ERC1: variants seen among roughly 807,000 people sequenced by gnomAD.
ERC1 encodes ELKS/RAB6-interacting/CAST family member 1, also known as RAB6 interacting protein 2.
In ERC1, 56 loss-of-function variants were observed where a neutral mutation model predicts 132.0. The observed-to-expected ratio is 0.42, with a 90% confidence interval of 0.34 to 0.53. The LOEUF (loss-of-function observed/expected upper bound fraction) is 0.53. Among genes scored for constraint, ERC1 ranks in the 20% least tolerant of loss-of-function variants. ERC1 has a pLI of 0.03. For synonymous variants in ERC1, 478 were observed against 476.1 expected (o/e 1.00, Z -0.05); for missense variants, 1,202 against 1,349.9 (o/e 0.89, Z 1.72).
intron 16 of ERC1, among the ~76,000 whole-genome samples, chr12:1,383,531 G>A (rs139607318): frequency 1.8e-4 from 28 of 152,290 alleles, no homozygotes; most frequent in Non-Finnish European, 2.6e-4. Context: ...CTACTCAGGA[G>A]GCTGAGGCAG....
Position 1,493,542 on chromosome 12 carries a change from AAAAAAAATATATATATATATATAT to A in ERC1, c.*3314_*3337del, listed in dbSNP as rs1385792871. On this transcript the variant is annotated 3_prime_UTR_variant, in exon 19 of 19. Coordinates refer to ENST00000360905, the MANE Select transcript of ERC1 (RefSeq NM_178040.4). ...ACAGAGACTCCATTTAAAAAAAAAA[AAAAAAAATATATATATATATATAT>A]ATATATATATATGGATGGGAATCAC... 11 of 23,480 alleles carry A rather than the reference AAAAAAAATATATATATATATATAT, an allele frequency of 4.7e-4. No individual in the cohort carries two copies. The highest frequency in any genetic ancestry group is 7.4e-4 in the Non-Finnish European group (8 of 10,748). 1.5% of individuals were successfully genotyped at this position (23,480 alleles called of 1,614,324 possible). A position where few individuals can be genotyped will look rare whatever the true frequency, so the allele number is the denominator to read the frequency against.
At chr12:1,026,328 T>G (rs77094036) in intron 1 of ERC1, among the ~76,000 whole-genome samples, 2 of 152,176 alleles carry the variant, frequency 1.3e-5, no homozygotes, top group Admixed American at 6.5e-5. Flanking sequence ...GGCCCCACCC[T>G]TGATACATGA....
intron 1 of ERC1, among the ~76,000 whole-genome samples, chr12:1,009,185 T>G (rs1424473671): frequency 6.6e-6 from 1 of 152,016 alleles, no homozygotes; most frequent in Non-Finnish European, 1.5e-5. Context: ...AGATTTTTTT[T>G]TTTTTTTGAG....
At chr12:1,058,792 T>TTTC (rs1973481404) in intron 2 of ERC1, among the ~76,000 whole-genome samples, 1 of 149,758 alleles carries the variant, frequency 6.7e-6, no homozygotes, top group Non-Finnish European at 1.5e-5. Flanking sequence ...AAAGTATGTT[T>TTTC]TTTTTTTTTT....
At chr12:1,160,335 C>A (rs1951774100) in intron 8 of ERC1, among the ~76,000 whole-genome samples, 1 of 152,080 alleles carries the variant, frequency 6.6e-6, no homozygotes, top group Non-Finnish European at 1.5e-5. Context: ...TTTTTTGTTG[C>A]CTGTAGAATT....
intron 16 of ERC1, among the ~76,000 whole-genome samples, chr12:1,373,296 A>G (rs913384145): frequency 2.0e-5 from 3 of 152,220 alleles, no homozygotes; most frequent in African/African-American, 7.2e-5. Context: ...GTGGGAGTTT[A>G]TATATTCAGC....
chr12:1,050,035 G>C (rs990273948), intron 2 of ERC1, among the ~76,000 whole-genome samples: 1 of 152,114 alleles, frequency 6.6e-6, no homozygotes, highest in Admixed American at 6.5e-5. Flanking sequence ...GAGCCACTGC[G>C]CCCGGCCAAT....
chr12:1,294,779 GT>G (rs113374394), intron 15 of ERC1, among the ~76,000 whole-genome samples: 6 of 152,088 alleles, frequency 3.9e-5, no homozygotes, highest in African/African-American at 1.2e-4. Context: ...AGTATGGCAG[GT>G]TTTTTTGGTT....
intron 17 of ERC1, among the ~76,000 whole-genome samples, chr12:1,420,917 T>G (rs1478797454): frequency 1.0e-4 from 3 of 29,036 alleles, no homozygotes; most frequent in Non-Finnish European, 1.6e-4. Context: ...TTGGTTTTGG[T>G]TTGGGGGGGG....
At chr12:1,076,403 T>C (rs187114997) in intron 2 of ERC1, among the ~76,000 whole-genome samples, 275 of 150,854 alleles carry the variant, frequency 1.8e-3, no homozygotes, top group African/African-American at 6.3e-3. Flanking sequence ...TTTTCTTTTT[T>C]TTTTTTTTGG....
intron 2 of ERC1, among the ~76,000 whole-genome samples, chr12:1,076,066 T>C (rs1480881778): frequency 6.6e-6 from 1 of 152,256 alleles, no homozygotes; most frequent in Non-Finnish European, 1.5e-5. Context: ...ATAAATGCTT[T>C]ATCTGTGTTC....
intron 12 of ERC1, among the ~76,000 whole-genome samples, chr12:1,202,964 C>T (rs146950546): frequency 1.2e-4 from 18 of 152,308 alleles, no homozygotes; most frequent in African/African-American, 4.1e-4. Context: ...TTTTACACAG[C>T]GTTATAGATG....
intron 14 of ERC1, 41 bp from the exon 15 acceptor site, chr12:1,289,811 A>G: frequency 1.9e-6 from 3 of 1,579,666 alleles, no homozygotes; most frequent in Non-Finnish European, 2.6e-6. Context: ...ACTCTGATTG[A>G]TCAAGACACT....
intron 12 of ERC1, among the ~76,000 whole-genome samples, chr12:1,219,867 G>A (rs949258942): frequency 1.3e-5 from 2 of 152,002 alleles, no homozygotes; most frequent in Admixed American, 1.3e-4. Flanking sequence ...ATGAGCCACC[G>A]CACCTGGCCT....
At chr12:1,480,752 C>T in intron 18 of ERC1, 1 of 686,766 alleles carries the variant, frequency 1.5e-6, no homozygotes. Flanking sequence ...GGGTAGTGGG[C>T]AGGGGGTTGA....
chr12:1,480,598 A>G (rs1457903859), intron 18 of ERC1, among the ~76,000 whole-genome samples: 1 of 152,236 alleles, frequency 6.6e-6, no homozygotes, highest in Non-Finnish European at 1.5e-5. Context: ...AGAAGGAATC[A>G]ATTCATGGTA....
intron 2 of ERC1, among the ~76,000 whole-genome samples, chr12:1,068,134 C>T (rs113509998): frequency 7.8e-6 from 1 of 128,436 alleles, no homozygotes; most frequent in African/African-American, 2.7e-5. Context: ...TTTTCTCCAT[C>T]TTGGCCAGGC....
chr12:1,477,095 G>A (rs1235861741), intron 18 of ERC1, among the ~76,000 whole-genome samples: 1 of 152,106 alleles, frequency 6.6e-6, no homozygotes, highest in Non-Finnish European at 1.5e-5. Flanking sequence ...AGAAAAAGAA[G>A]CTAGAGTTAT....
chr12:1,071,409 A>T (rs35681937), intron 2 of ERC1, among the ~76,000 whole-genome samples: 34,547 of 152,112 alleles, frequency 0.23, 4,346 homozygotes, highest in Middle Eastern at 0.28. Context: ...TTCCCCAGTT[A>T]CTAAAGATAC....
Sources: allele counts gnomAD v4.1 joint callset (sites outside exome capture counted in the v4.1 genomes callset), GRCh38; gene constraint gnomAD v4.1.1; transcripts MANE v1.5; gene names NCBI Gene and HGNC (gene_info 2026-07-23, HGNC 2026-07-21).